Variants in C2orf76 observed in about 807,000 individuals in gnomAD.
C2orf76 encodes chromosome 2 open reading frame 76, also known as UPF0538 protein C2orf76.
In C2orf76, 23 loss-of-function variants were observed where a neutral mutation model predicts 16.9. The observed-to-expected ratio is 1.36, with a 90% CI of 0.98 to 1.93. C2orf76 has a LOEUF of 1.93. Ranked by LOEUF, C2orf76 falls within the 30% of genes most tolerant of loss-of-function variation. C2orf76 has a pLI of 0.00. For synonymous variants in C2orf76, 48 were observed against 52.3 expected (o/e 0.92, Z 0.35); for missense variants, 152 against 152.6 (o/e 1.00, Z 0.02).
intron 1 of C2orf76, among the ~76,000 whole-genome samples, chr2:119,352,063 G>C (rs935937701): frequency 6.6e-6 from 1 of 152,162 alleles, no homozygotes; most frequent in African/African-American, 2.4e-5. Flanking sequence ...GAAGCTTTAA[G>C]GGTAGGAAAA....
chr2:119,291,417 A>G, the C2orf76 span, among the ~76,000 whole-genome samples: 1 of 151,814 alleles, frequency 6.6e-6, no homozygotes, highest in Non-Finnish European at 1.5e-5. Flanking sequence ...TCCTTATAGA[A>G]AGGAAATTTA....
At chr2:119,287,605 T>C in the C2orf76 span, among the ~76,000 whole-genome samples, 2 of 152,106 alleles carry the variant, frequency 1.3e-5, no homozygotes, top group African/African-American at 4.8e-5. Context: ...GAATATGACA[T>C]GGAAGATCTG....
intron 1 of C2orf76, among the ~76,000 whole-genome samples, chr2:119,350,331 G>A (rs1303167942): frequency 2.6e-5 from 4 of 152,052 alleles, no homozygotes; most frequent in Admixed American, 1.3e-4. Context: ...TGTAGGATAC[G>A]TGTATATTTC....
At chr2:119,300,690 T>C (rs1263089787), downstream of C2orf76, among the ~76,000 whole-genome samples, 3 of 152,232 alleles carry the variant, frequency 2.0e-5, no homozygotes, top group African/African-American at 7.2e-5. Flanking sequence ...CTACCTTACA[T>C]ATGCTCAGAA....
At chr2:119,311,404 T>A in intron 5 of C2orf76, 1 of 985,454 alleles carries the variant, frequency 1.0e-6, no homozygotes. Flanking sequence ...AACAGCCATT[T>A]GCATTCTGCA....
At chr2:119,296,848 T>C in the C2orf76 span, among the ~76,000 whole-genome samples, 7 of 152,316 alleles carry the variant, frequency 4.6e-5, no homozygotes, top group East Asian at 1.3e-3. Context: ...ACAATGCAGA[T>C]GGGGAACTGT....
At chr2:119,309,382 CTTTTTTTCTCTTTTTCT>C (rs1678904932) in intron 5 of C2orf76, among the ~76,000 whole-genome samples, 1 of 104,944 alleles carries the variant, frequency 9.5e-6, no homozygotes, top group African/African-American at 3.3e-5. Context: ...AGTAACTTTT[CTTTTTTTCTCTTTTTCT>C]TTTTTTTTTT....
chr2:119,328,002 T>C (rs1216234659), intron 2 of C2orf76, among the ~76,000 whole-genome samples: 1 of 152,080 alleles, frequency 6.6e-6, no homozygotes, highest in Non-Finnish European at 1.5e-5. Flanking sequence ...CCTCAGAGAA[T>C]GAGTTGAAAA....
intron 1 of C2orf76, among the ~76,000 whole-genome samples, chr2:119,356,497 G>C (rs1483021909): frequency 1.3e-5 from 2 of 151,830 alleles, no homozygotes; most frequent in Non-Finnish European, 2.9e-5. Context: ...CTGTGAAGAG[G>C]AAAATGTATA....
At chr2:119,323,065 T>C (rs1471904728) in intron 2 of C2orf76, among the ~76,000 whole-genome samples, 1 of 152,172 alleles carries the variant, frequency 6.6e-6, no homozygotes, top group Admixed American at 6.5e-5. Flanking sequence ...TTGCCCAGGC[T>C]AGAGTGCAGG....
chr2:119,366,482 G>T (rs1433652131), intron 1 of C2orf76: 5 of 471,716 alleles, frequency 1.1e-5, no homozygotes, highest in Non-Finnish European at 1.8e-5. Flanking sequence ...CGGGAGACCA[G>T]TCCAGCTTTC....
At chr2:119,321,127 A>G in intron 3 of C2orf76, 27 bp downstream of exon 3, 3 of 1,251,932 alleles carry the variant, frequency 2.4e-6, no homozygotes, top group Non-Finnish European at 3.3e-6. Context: ...ATTTATATAT[A>G]TTTTAAAAGA....
At chr2:119,363,263 A>G (rs1396134675) in intron 1 of C2orf76, among the ~76,000 whole-genome samples, 2 of 152,116 alleles carry the variant, frequency 1.3e-5, no homozygotes, top group East Asian at 3.9e-4. Flanking sequence ...TCTCTACCCA[A>G]AATACAAAAA....
At position 119,366,801 on chromosome 2, in the gene C2orf76, G is replaced by A. The variant is rs1286580823; in HGVS notation, c.-24C>T. ...TCCGTTGTCCCCACCTGTTCCCGGC[G>A]TCCCCTTCGGCTACTCCCGGCGTTT... On this transcript the variant is annotated 5_prime_UTR_variant, in exon 1 of 6. It adds an upstream start codon to the 5' untranslated region. Transcript: ENST00000334816. 3.5e-6 allele frequency: 2 copies of A among 575,600 alleles called. No individual in the cohort carries two copies. Among genetic ancestry groups the A allele is most frequent in the Non-Finnish European group, 6.1e-6 (2 of 325,626 alleles). 35.7% of individuals were successfully genotyped at this position (575,600 alleles called of 1,614,324 possible).
At chr2:119,303,141 C>T (rs1302088015) in intron 5 of C2orf76, among the ~76,000 whole-genome samples, 2 of 152,176 alleles carry the variant, frequency 1.3e-5, no homozygotes, top group South Asian at 2.1e-4. Flanking sequence ...CACAAATTGG[C>T]TTCTACCTCA....
chr2:119,325,457 CAAAAAAAAA>C (rs59581840), intron 2 of C2orf76, among the ~76,000 whole-genome samples: 8 of 59,778 alleles, frequency 1.3e-4, no homozygotes, highest in South Asian at 8.2e-4. Flanking sequence ...AAGACTGTCT[CAAAAAAAAA>C]AAAAAAAAAA....
chr2:119,366,730 A>G (rs1681020910), intron 1 of C2orf76, 60 bp downstream of exon 1: 2 of 518,226 alleles, frequency 3.9e-6, no homozygotes, highest in Non-Finnish European at 7.0e-6. Context: ...CCAGGACTGA[A>G]CCCAACTCTC....
At chr2:119,284,121 T>C in the C2orf76 span, among the ~76,000 whole-genome samples, 1 of 152,194 alleles carries the variant, frequency 6.6e-6, no homozygotes, top group Admixed American at 6.5e-5. Flanking sequence ...GCTGAGGAAC[T>C]GAGCCTGAGA....
chr2:119,345,882 A>C (rs951463563), intron 1 of C2orf76, among the ~76,000 whole-genome samples: 1 of 152,022 alleles, frequency 6.6e-6, no homozygotes, highest in Non-Finnish European at 1.5e-5. Flanking sequence ...TAACACGGTG[A>C]AACCCCGTCT....
Sources: allele counts gnomAD v4.1 joint callset (sites outside exome capture counted in the v4.1 genomes callset), GRCh38; gene constraint gnomAD v4.1.1; transcripts MANE v1.5; gene names NCBI Gene and HGNC (gene_info 2026-07-23, HGNC 2026-07-21).